The following PDE11A variants were observed in gnomAD, a reference collection of about 807,000 sequenced individuals.
PDE11A encodes dual 3',5'-cyclic-AMP and -GMP phosphodiesterase 11A.
A neutral mutation model predicts 100.5 loss-of-function variants in PDE11A; 100 were observed. The ratio of observed to expected loss-of-function variants is 1.00; its 90% CI spans 0.85 to 1.18. The LOEUF (loss-of-function observed/expected upper bound fraction) is 1.18. Among genes scored for constraint, PDE11A ranks in the 50% most tolerant of loss-of-function variants. The pLI is 0.00. For synonymous variants in PDE11A, 381 were observed against 420.8 expected (o/e 0.91, Z 1.16); for missense variants, 1,141 against 1,152.6 (o/e 0.99, Z 0.15).
chr2:177,691,934 A>G (rs1018373982), intron 15 of PDE11A, among the ~76,000 whole-genome samples: 8 of 152,236 alleles, frequency 5.3e-5, no homozygotes, highest in Non-Finnish European at 8.8e-5. Flanking sequence ...TAAACAATGT[A>G]GAAAATACCT....
At chr2:178,086,198 C>T (rs2087352951) in intron 2 of PDE11A, among the ~76,000 whole-genome samples, 2 of 152,222 alleles carry the variant, frequency 1.3e-5, no homozygotes, top group Non-Finnish European at 2.9e-5. Context: ...GACTGCCGAC[C>T]TTCCTACATG....
At chr2:177,870,354 C>A (rs540467744) in intron 5 of PDE11A, among the ~76,000 whole-genome samples, 1 of 152,194 alleles carries the variant, frequency 6.6e-6, no homozygotes, top group African/African-American at 2.4e-5. Flanking sequence ...TCATTGGACA[C>A]ACATATTAAC....
chr2:177,878,763 C>T (rs946955625), intron 4 of PDE11A, among the ~76,000 whole-genome samples: 3 of 152,156 alleles, frequency 2.0e-5, no homozygotes, highest in Admixed American at 1.3e-4. Flanking sequence ...GATCCCACTT[C>T]TCACTGCTTT....
At chr2:177,951,233 G>A (rs1213287789) in intron 2 of PDE11A, among the ~76,000 whole-genome samples, 9 of 152,170 alleles carry the variant, frequency 5.9e-5, no homozygotes, top group Non-Finnish European at 1.3e-4. Context: ...GTGTCCCTAT[G>A]GTCTAACTGA....
At chr2:177,719,620 G>T (rs2081495663) in intron 12 of PDE11A, among the ~76,000 whole-genome samples, 1 of 152,122 alleles carries the variant, frequency 6.6e-6, no homozygotes, top group South Asian at 2.1e-4. Context: ...TTCCTAATCT[G>T]TGTCATCGTG....
intron 9 of PDE11A, among the ~76,000 whole-genome samples, chr2:177,778,483 T>C (rs77616645): frequency 0.014 from 2,111 of 152,272 alleles, 48 homozygotes; most frequent in African/African-American, 0.048. Flanking sequence ...AAGGGCTGCA[T>C]GAATACGTTT....
intron 5 of PDE11A, among the ~76,000 whole-genome samples, chr2:177,841,149 C>T (rs1254583841): frequency 6.6e-6 from 1 of 152,198 alleles, no homozygotes; most frequent in Non-Finnish European, 1.5e-5. Context: ...ACAGACACTA[C>T]ATAAACAGAA....
chr2:177,729,227 A>G (rs1486914883), intron 10 of PDE11A, among the ~76,000 whole-genome samples: 1 of 152,100 alleles, frequency 6.6e-6, no homozygotes, highest in East Asian at 1.9e-4. Context: ...TGTACTTGCA[A>G]TTAATTCAAC....
At chr2:177,724,016 T>C (rs567380842) in intron 12 of PDE11A, among the ~76,000 whole-genome samples, 16 of 152,276 alleles carry the variant, frequency 1.1e-4, no homozygotes, top group African/African-American at 3.8e-4. Context: ...ATATTTGTTC[T>C]ATAAACTTCT....
chr2:178,044,239 T>C (rs1415237406), intron 1 of PDE11A, among the ~76,000 whole-genome samples: 1 of 151,966 alleles, frequency 6.6e-6, no homozygotes, highest in Non-Finnish European at 1.5e-5. Flanking sequence ...ATTGCAAATG[T>C]CTTTCAAATA....
At chr2:177,657,643 G>A (rs2080409682) in intron 19 of PDE11A, among the ~76,000 whole-genome samples, 2 of 151,850 alleles carry the variant, frequency 1.3e-5, no homozygotes, top group Admixed American at 6.6e-5. Context: ...GAGGGGCAGG[G>A]AGAGAGAAGA....
Position 177,926,715 on chromosome 2 carries a change from GATA to G in PDE11A, c.1072-21531_1072-21529del, listed in dbSNP as rs554630575. Among the ~76,000 whole-genome samples, 68 of 152,232 alleles carry G rather than the reference GATA, an allele frequency of 4.5e-4. 2 individuals carry two copies. In the South Asian group the frequency reaches 0.013, roughly 30 times the overall value. On this transcript the variant is annotated intron_variant, in intron 2 of 19. Transcript: ENST00000286063. The stretch of plus-strand genomic sequence containing the variant: ...TTGCTTAAGTCCAAAATGTGGTACA[GATA>G]ATATTTTATTTATTATTATCTACAT...
chr2:178,055,824 T>G (rs2086892900), intron 1 of PDE11A, among the ~76,000 whole-genome samples: 2 of 152,156 alleles, frequency 1.3e-5, no homozygotes, highest in Admixed American at 6.5e-5. Flanking sequence ...ATTATTTAGC[T>G]TTGTACACTT....
intron 10 of PDE11A, among the ~76,000 whole-genome samples, chr2:177,768,892 G>T (rs1040030367): frequency 1.3e-5 from 2 of 152,104 alleles, no homozygotes; most frequent in Non-Finnish European, 2.9e-5. Flanking sequence ...CAGGTAAAAC[G>T]CTTGGTAGTG....
chr2:177,737,051 A>T (rs1213253832), intron 10 of PDE11A, among the ~76,000 whole-genome samples: 3 of 71,976 alleles, frequency 4.2e-5, no homozygotes, highest in Admixed American at 1.7e-4. Flanking sequence ...GACCAGCCTG[A>T]CAAAATGGAG....
intron 5 of PDE11A, among the ~76,000 whole-genome samples, chr2:177,846,856 A>G (rs1473048003): frequency 1.3e-5 from 2 of 152,204 alleles, no homozygotes; most frequent in East Asian, 3.8e-4. Flanking sequence ...ATGGAGCACC[A>G]TCAGTGACAG....
chr2:177,650,823 A>G (rs1479719524), intron 19 of PDE11A, among the ~76,000 whole-genome samples: 1 of 152,208 alleles, frequency 6.6e-6, no homozygotes, highest in Non-Finnish European at 1.5e-5. Flanking sequence ...CCCCTCCTAC[A>G]GATGGTCTGC....
chr2:177,943,090 C>T (rs922206687), intron 2 of PDE11A, among the ~76,000 whole-genome samples: 2 of 152,152 alleles, frequency 1.3e-5, no homozygotes, highest in Non-Finnish European at 2.9e-5. Flanking sequence ...TGTAGGTGTA[C>T]AATACCACAA....
intron 2 of PDE11A, among the ~76,000 whole-genome samples, chr2:178,002,658 T>C (rs1236843607): frequency 6.6e-6 from 1 of 152,154 alleles, no homozygotes; most frequent in East Asian, 1.9e-4. Flanking sequence ...GTGTTTATTT[T>C]CTAGTTAAAA....
Sources: gnomAD v4.1 joint callset for allele counts (sites outside exome capture counted in the v4.1 genomes callset) on GRCh38, gnomAD v4.1.1 for gene constraint, MANE v1.5 for transcripts, NCBI Gene and HGNC (gene_info 2026-07-23, HGNC 2026-07-21) for gene names.